Variants in NCL observed in about 807,000 individuals in gnomAD.
The protein encoded by NCL is nucleolin multifunctional protein.
In NCL, 4 loss-of-function variants were observed where a neutral mutation model predicts 77.7. The ratio of observed to expected loss-of-function variants is 0.05; its 90% confidence interval spans 0.03 to 0.12. The LOEUF (loss-of-function observed/expected upper bound fraction) is 0.12, where lower values mean the gene tolerates loss of function less well. Ranked by LOEUF, NCL falls within the 10% of genes least tolerant of loss-of-function variation. The probability of loss-of-function intolerance (pLI) is 1.00; values close to 1 mark genes in which losing one functional copy is unlikely to be tolerated. For missense variants in NCL, 763 were observed against 860.9 expected (o/e 0.89, Z 1.42); for synonymous variants, 344 against 297.8 (o/e 1.16, Z -1.60).
Position 231,460,721 on chromosome 2 carries a change from A to G in NCL, c.759T>C (p.Asp253=). ...EDEDDDDDED[D]EDDDDEDDEE... ...CATCATCTTCATCATCATCATCTTC[A>G]TCATCTTCGTCGTCGTCGTCATCCT... The change falls in exon 4 of 14, where the codon GAT becomes GAC. Residue 253 remains aspartate (D), a synonymous_variant. Transcript: ENST00000322723. 6.2e-7 allele frequency: 1 copy of G among 1,611,402 alleles called. No homozygotes were observed. Among genetic ancestry groups the G allele is most frequent in the Non-Finnish European group, 8.5e-7 (1 of 1,177,934 alleles).
At chr2:231,455,678 C>G in intron 12 of NCL, 54 bp from the exon 13 acceptor site, 1 of 1,565,692 alleles carries the variant, frequency 6.4e-7, no homozygotes, top group Non-Finnish European at 8.8e-7. Context: ...ACACATGTCC[C>G]AAGTTAACTG....
rs1189865535 is a variant in NCL at position 231,454,861 on chromosome 2, C to CAAAAAAAAAAAAAAAAAA, written c.*329_*330insTTTTTTTTTTTTTTTTTT. The stretch of plus-strand genomic sequence containing the variant: ...CCCACGAACGCAAAAAAAAAAAAAA[C>CAAAAAAAAAAAAAAAAAA]AAAAACAAAACAAAAAAAAGAAACA... On this transcript the variant is annotated 3_prime_UTR_variant, in exon 14 of 14. Transcript: ENST00000322723. The CAAAAAAAAAAAAAAAAAA allele has an allele frequency of 6.3e-6, 1 of 158,436 alleles. No individual in the cohort carries two copies. The highest frequency in any genetic ancestry group is 1.3e-5 in the Non-Finnish European group (1 of 78,892). The allele number at this position is 158,436 out of a possible 1,614,324, so 9.8% of individuals were successfully genotyped here.
Position 231,461,937 on chromosome 2 carries a change from A to C in NCL, c.216T>G (p.Val72=). 6.2e-7 allele frequency: 1 copy of C among 1,614,194 alleles called. No individual in the cohort carries two copies. ...KKVVVSPTKK[V]AVATPAKKAA... is the part of the protein sequence containing the mutation. ...CTTTCTTGGCTGGTGTGGCAACTGCAACCTTTTTTGTTGGGGAAACGACCA... is the reference window on the plus strand; with the variant it reads ...CTTTCTTGGCTGGTGTGGCAACTGCCACCTTTTTTGTTGGGGAAACGACCA... The change falls in exon 3 of 14, where the codon GTT becomes GTG. Residue 72 remains valine, a synonymous_variant. Coordinates refer to ENST00000322723, the MANE Select transcript of NCL (RefSeq NM_005381.3).
chr2:231,458,654 G>C, intron 7 of NCL: 1 of 483,942 alleles, frequency 2.1e-6, no homozygotes, highest in Non-Finnish European at 3.6e-6. Flanking sequence ...AAAAGTGAAT[G>C]TACCAATTCA....
Position 231,457,132 on chromosome 2 carries a change from T to TA in NCL, c.1448-9dup, listed in dbSNP as rs1396674853. On this transcript the variant is annotated splice_polypyrimidine_tract_variant and intron_variant, in intron 9 of 13. Coordinates refer to ENST00000322723, the MANE Select transcript of NCL (RefSeq NM_005381.3). The stretch of plus-strand genomic sequence containing the variant: ...CCAGAGTTTTTGATTCACCTGCAAA[T>TA]AGAGATGCCACATTCCTAAGACTCT... 1.2e-6 allele frequency: 2 copies of TA among 1,613,504 alleles called. No homozygotes were observed. The highest frequency in any genetic ancestry group is 2.7e-5 in the African/African-American group (2 of 74,828).
At position 231,456,123 on chromosome 2, in the gene NCL, A is replaced by G; in HGVS notation, c.1719T>C (p.Thr573=). 2 of 1,611,096 alleles carry G rather than the reference A, an allele frequency of 1.2e-6. No individual in the cohort carries two copies. The highest frequency in any genetic ancestry group is 1.7e-6 in the Non-Finnish European group (2 of 1,179,230). Residue 573 remains threonine (T), a synonymous_variant, in exon 12 of 14, where the codon ACT becomes ACC. Coordinates refer to ENST00000322723, the MANE Select transcript of NCL (RefSeq NM_005381.3). ...SPNARSQPSK[T]LFVKGLSEDT... ...CCTCAGACAGGCCTTTGACAAACAGAGTTTTGGATGGCTCTGGGAAGGAAA... is the reference window on the plus strand; with the variant it reads ...CCTCAGACAGGCCTTTGACAAACAGGGTTTTGGATGGCTCTGGGAAGGAAA...
chr2:231,456,887 AT>A (rs1330194525), intron 10 of NCL, 113 bp downstream of exon 10: 6 of 1,555,620 alleles, frequency 3.9e-6, no homozygotes, highest in Non-Finnish European at 5.2e-6. Flanking sequence ...TTTTACACTC[AT>A]TTACGTAGCT....
At position 231,454,361 on chromosome 2, in the gene NCL, G is replaced by A. The variant is rs1440432604; in HGVS notation, c.*830C>T. On this transcript the variant is annotated 3_prime_UTR_variant, in exon 14 of 14. Transcript: ENST00000322723. ...GGCTTTCACCATGTTGGCCAGGCTG[G>A]TCTTCAACTCCTGACCTCAGTTGAT... 1 of 152,318 alleles carries A rather than the reference G, an allele frequency of 6.6e-6. No individual in the cohort carries two copies. Among genetic ancestry groups the A allele is most frequent in the Non-Finnish European group, 1.5e-5 (1 of 68,178 alleles). 9.4% of individuals were successfully genotyped at this position (152,318 alleles called of 1,614,324 possible). A position where few individuals can be genotyped will look rare whatever the true frequency, so the allele number is the denominator to read the frequency against.
intron 1 of NCL, 163 bp downstream of exon 1, chr2:231,464,173 A>T (rs928153722): frequency 7.0e-7 from 1 of 1,426,058 alleles, no homozygotes. Flanking sequence ...GCCACCAAGT[A>T]GCCAGAAGCC....
rs1371401649 is a variant in NCL, at chr2:231,454,656, T to C, written c.*535A>G. 1 of 154,416 alleles carries C rather than the reference T, an allele frequency of 6.5e-6. No homozygotes were observed. The highest frequency in any genetic ancestry group is 1.4e-5 in the Non-Finnish European group (1 of 69,560). 9.6% of individuals were successfully genotyped at this position (154,416 alleles called of 1,614,324 possible). A position where few individuals can be genotyped will look rare whatever the true frequency, so the allele number is the denominator to read the frequency against. The stretch of plus-strand genomic sequence containing the variant: ...ATACTGGAAACACGCACTAAGCCAT[T>C]TCCATTGGGATGGGTGAAGCAAGTG... On this transcript the variant is annotated 3_prime_UTR_variant, in exon 14 of 14. Coordinates refer to ENST00000322723, the MANE Select transcript of NCL (RefSeq NM_005381.3).
chr2:231,461,283 A>AT (rs1022302314), intron 3 of NCL, among the ~76,000 whole-genome samples: 29 of 136,924 alleles, frequency 2.1e-4, no homozygotes, highest in African/African-American at 3.8e-4. Context: ...TCTCAAAAAA[A>AT]TTTAAAAAAA....
In NCL at chr2:231,460,739, G is replaced by A. The variant is rs144584882; in HGVS notation, c.741C>T (p.Asp247=). 48 of 1,609,006 alleles carry A rather than the reference G, an allele frequency of 3.0e-5. No homozygotes were observed. Among genetic ancestry groups the A allele is most frequent in the African/African-American group, 1.7e-4 (13 of 74,632 alleles). The stretch of plus-strand genomic sequence containing the variant: ...CATCTTCATCATCTTCGTCGTCGTC[G>A]TCATCCTCGTCCTCATCATCCTCTT... The part of the protein sequence containing the change: ...DEEEDDEDED[D]DDDEDDEDDD... Residue 247 remains aspartate, a synonymous_variant, in exon 4 of 14, where the codon GAC becomes GAT. Transcript: ENST00000322723.
In NCL at chr2:231,454,614, A is replaced by AGTT. The variant is rs2046864928; in HGVS notation, c.*574_*576dup. The AGTT allele has an allele frequency of 6.5e-6, 1 of 153,042 alleles. No individual in the cohort carries two copies. Among genetic ancestry groups the AGTT allele is most frequent in the Admixed American group, 6.5e-5 (1 of 15,392 alleles). 9.5% of individuals were successfully genotyped at this position (153,042 alleles called of 1,614,324 possible). ...GGTCCCCTCACCAGCATTTCAACCA[A>AGTT]GTTAGTTAGGGCTGGGATACTGGAA... is the stretch of plus-strand genomic sequence containing the variant. On this transcript the variant is annotated 3_prime_UTR_variant, in exon 14 of 14. Coordinates refer to ENST00000322723, the MANE Select transcript of NCL (RefSeq NM_005381.3).
In NCL at chr2:231,457,681, T is replaced by C; in HGVS notation, c.1409A>G (p.Asn470Ser). ...SLYYTGEKGQ[N>S]QDYRGGKNST... ...ATTCTTTCCACCTCTATAGTCTTGA[T>C]TTTGACCTTTCTCTCCAGTATAGTA... The change falls in exon 9 of 14, where the codon AAT (asparagine) becomes AGT (serine). Residue 470 changes from asparagine (N) to serine (S), a missense_variant. Physicochemically the swap from Asn to Ser is conservative, Grantham distance 46. Transcript: ENST00000322723. 6.2e-7 allele frequency: 1 copy of C among 1,611,538 alleles called. No homozygotes were observed. Among genetic ancestry groups the C allele is most frequent in the South Asian group, 1.1e-5 (1 of 90,510 alleles).
chr2:231,456,165 T>C (rs2125633286), intron 11 of NCL, 29 bp from the exon 12 acceptor site: 1 of 1,613,204 alleles, frequency 6.2e-7, no homozygotes. Flanking sequence ...TGTGACTTTA[T>C]GTGAAGTCAC....
At chr2:231,459,185 A>G (rs2046922370) in intron 6 of NCL, 60 bp from the exon 7 acceptor site, 2 of 1,474,132 alleles carry the variant, frequency 1.4e-6, no homozygotes, top group South Asian at 1.4e-5. Context: ...AAAATCCACA[A>G]TATGTATTCT....
chr2:231,462,123 C>T (rs2046958724), intron 2 of NCL, 106 bp from the exon 3 acceptor site: 2 of 1,352,060 alleles, frequency 1.5e-6, no homozygotes, highest in South Asian at 1.2e-5. Flanking sequence ...TGGTTCAAGA[C>T]CACATGCACT....
At chr2:231,463,529 G>C (rs1009819370) in intron 1 of NCL, 2 of 542,386 alleles carry the variant, frequency 3.7e-6, no homozygotes, top group Non-Finnish European at 6.5e-6. Flanking sequence ...TTTACCAACA[G>C]AAAACCTGCC....
rs117722872 is a variant in NCL, at chr2:231,455,330, T to C, written c.2057-63A>G. 1,098 of 1,613,240 alleles carry C rather than the reference T, an allele frequency of 6.8e-4. 13 individuals are homozygous for C. In the East Asian group the frequency reaches 0.022, roughly 32 times the overall value. On this transcript the variant is annotated intron_variant, in intron 13 of 13. Transcript: ENST00000322723. ...TACAAAGCTCCTCCTCCCCAGTGATTAGGAACCGTGACAGGGCACAGGGTC... is the reference window on the plus strand; with the variant it reads ...TACAAAGCTCCTCCTCCCCAGTGATCAGGAACCGTGACAGGGCACAGGGTC...
Sources: allele counts gnomAD v4.1 joint callset (sites outside exome capture counted in the v4.1 genomes callset), GRCh38; gene constraint gnomAD v4.1.1; transcripts MANE v1.5; gene names NCBI Gene and HGNC (gene_info 2026-07-23, HGNC 2026-07-21).